AZU1: variants seen among roughly 807,000 people sequenced by gnomAD.
AZU1 encodes azurocidin.
In AZU1, 21 loss-of-function variants were observed where a neutral mutation model predicts 17.8. That is an observed-to-expected ratio of 1.18 (90% CI 0.84 to 1.70). The LOEUF is 1.70. AZU1 is among the 40% of genes most tolerant of loss of function. AZU1 has a pLI of 0.00. For synonymous variants in AZU1, 178 were observed against 155.2 expected (o/e 1.15, Z -1.09); for missense variants, 379 against 362.9 (o/e 1.04, Z -0.36).
intron 1 of AZU1, 71 bp downstream of exon 1, chr19:827,975 T>C (rs649411): frequency 0.49 from 746,941 of 1,522,402 alleles, 188,729 homozygotes; most frequent in African/African-American, 0.82. Flanking sequence ...AACTCAGACT[T>C]AAAGCACAGA....
Position 830,740 on chromosome 19 carries a change from G to T in AZU1, c.393G>T (p.Val131=). The change falls in exon 4 of 5, where the codon GTG becomes GTT. Residue 131 remains valine, a synonymous_variant. Transcript: ENST00000233997. Reference sequence around the variant, plus strand: ...GTGAGGCCAACCTCACCAGCAGCGTGACGATACTGCCACTGCCTCTGCAGA... The same window carrying T: ...GTGAGGCCAACCTCACCAGCAGCGTTACGATACTGCCACTGCCTCTGCAGA... The part of the protein sequence containing the change: ...LDREANLTSS[V]TILPLPLQNA... The T allele has an allele frequency of 6.3e-7, 1 of 1,592,484 alleles. No individual in the cohort carries two copies. The highest frequency in any genetic ancestry group is 8.5e-7 in the Non-Finnish European group (1 of 1,173,744).
chr19:829,873 G>T (rs577627350), intron 3 of AZU1, among the ~76,000 whole-genome samples, 167 bp downstream of exon 3: 2 of 152,238 alleles, frequency 1.3e-5, no homozygotes, highest in East Asian at 3.9e-4. Context: ...AGGACGGCTT[G>T]AGGTCAGGAG....
Position 828,240 on chromosome 19 carries a change from C to G in AZU1, c.69C>G (p.Pro23=). 2 of 1,606,178 alleles carry G rather than the reference C, an allele frequency of 1.2e-6. No individual in the cohort carries two copies. The highest frequency in any genetic ancestry group is 1.1e-5 in the South Asian group (1 of 90,244). ...LLASSRAGSS[P]LLDIVGGRKA... The stretch of plus-strand genomic sequence containing the variant: ...CTCCCCCCGACCCAGGCTCCAGCCC[C>G]CTTTTGGACATCGTTGGCGGCCGGA... The change falls in exon 2 of 5, where the codon CCC becomes CCG. Residue 23 remains proline (P), a synonymous_variant. Coordinates refer to ENST00000233997, the MANE Select transcript of AZU1 (RefSeq NM_001700.5).
Position 829,671 on chromosome 19 carries a change from C to T in AZU1, c.325C>T (p.Pro109Ser). ...ISSMSENGYD[P>S]QQNLNDLMLL... is the part of the protein sequence containing the mutation. ...CAGCATGAGCGAGAATGGCTACGAC[C>T]CCCAGCAGAACCTGAACGACCTGAT... Residue 109 changes from proline (P) to serine (S), a missense_variant, in exon 3 of 5, where the codon CCC becomes TCC. Coordinates refer to ENST00000233997, the MANE Select transcript of AZU1 (RefSeq NM_001700.5). 2 of 1,613,388 alleles carry T rather than the reference C, an allele frequency of 1.2e-6. No individual in the cohort carries two copies. Among genetic ancestry groups the T allele is most frequent in the Non-Finnish European group, 1.7e-6 (2 of 1,179,962 alleles).
intron 1 of AZU1, 100 bp from the exon 2 acceptor site, chr19:828,130 A>G: frequency 7.2e-7 from 1 of 1,398,482 alleles, no homozygotes; most frequent in African/African-American, 1.4e-5. Flanking sequence ...GTCCCCCCGC[A>G]GCCCCACTGG....
chr19:829,830 T>C (rs1732124699), intron 3 of AZU1, 124 bp downstream of exon 3: 4 of 1,329,892 alleles, frequency 3.0e-6, no homozygotes, highest in South Asian at 1.4e-5. Flanking sequence ...GGCGCGCACC[T>C]GTGGCCCCTG....
chr19:828,461 T>TG, intron 2 of AZU1, 75 bp downstream of exon 2: 1 of 837,510 alleles, frequency 1.2e-6, no homozygotes. Context: ...AGGCATTCAG[T>TG]GGGGGTGCTT....
chr19:828,221 C>G lies in AZU1; in HGVS notation c.59-9C>G, dbSNP rs757628322. ...TTGGGGATCTCAGAGCTGTCTCCCC[C>G]CGACCCAGGCTCCAGCCCCCTTTTG... is the stretch of plus-strand genomic sequence containing the variant. On this transcript the variant is annotated splice_polypyrimidine_tract_variant and intron_variant, in intron 1 of 4. Transcript: ENST00000233997. 5.0e-6 allele frequency: 8 copies of G among 1,593,084 alleles called. No homozygotes were observed. The highest frequency in any genetic ancestry group is 1.4e-5 in the African/African-American group (1 of 73,894).
chr19:828,192 A>G (rs1325771455), intron 1 of AZU1, 38 bp from the exon 2 acceptor site: 2 of 1,557,150 alleles, frequency 1.3e-6, no homozygotes, highest in South Asian at 2.4e-5. Context: ...CACTGTGTGG[A>G]TTCTTGGGGA....
chr19:831,088 T>G, intron 4 of AZU1, 147 bp downstream of exon 4: 2 of 736,406 alleles, frequency 2.7e-6, no homozygotes, highest in Non-Finnish European at 4.3e-6. Flanking sequence ...ATCTTTTTTT[T>G]TTTTTTTGAG....
Position 831,959 on chromosome 19 carries a change from CT to C in AZU1, c.*83del, listed in dbSNP as rs2035294999. Reference sequence around the variant, plus strand: ...GCACCCACCTCCCACGGCCCCGCCCCTGCCCCCGCTCCGGCCAGAGGGGCCC... The same window carrying C: ...GCACCCACCTCCCACGGCCCCGCCCCGCCCCCGCTCCGGCCAGAGGGGCCC... On this transcript the variant is annotated 3_prime_UTR_variant, in exon 5 of 5. Coordinates refer to ENST00000233997, the MANE Select transcript of AZU1 (RefSeq NM_001700.5). 1 of 1,472,380 alleles carries C rather than the reference CT, an allele frequency of 6.8e-7. No homozygotes were observed. Among genetic ancestry groups the C allele is most frequent in the Admixed American group, 2.0e-5 (1 of 49,112 alleles). The allele number at this position is 1,472,380 out of a possible 1,614,324, so 91.2% of individuals were successfully genotyped here.
rs2035278974 is a variant in AZU1, at chr19:830,825, G to A, written c.478G>A (p.Gly160Arg). ...QVAGWGSQRS[G>R]GRLSRFPRFV... is the part of the protein sequence containing the mutation. Reference sequence around the variant, plus strand: ...GGCCGGCTGGGGGAGCCAGCGCAGTGGGGGGCGTCTCTCCCGTTTTCCCAG... The same window carrying A: ...GGCCGGCTGGGGGAGCCAGCGCAGTAGGGGGCGTCTCTCCCGTTTTCCCAG... Residue 160 changes from glycine (G) to arginine (R), a missense_variant, in exon 4 of 5, where the codon GGG becomes AGG. Transcript: ENST00000233997. The A allele has an allele frequency of 6.2e-7, 1 of 1,607,562 alleles. No individual in the cohort carries two copies. Among genetic ancestry groups the A allele is most frequent in the African/African-American group, 1.3e-5 (1 of 74,928 alleles).
chr19:828,088 C>G, intron 1 of AZU1, 142 bp from the exon 2 acceptor site: 1 of 1,332,752 alleles, frequency 7.5e-7, no homozygotes, highest in Non-Finnish European at 1.0e-6. Context: ...GCCCCCTGTC[C>G]TCTTAGGGAG....
At chr19:830,251 C>T (rs1016794594) in intron 3 of AZU1, among the ~76,000 whole-genome samples, 4 of 152,058 alleles carry the variant, frequency 2.6e-5, no homozygotes, top group African/African-American at 7.2e-5. Flanking sequence ...CAGAGCCAGA[C>T]CCTATCTCAA....
rs531710662 is a variant in AZU1, at chr19:828,422, G to A, written c.215+36G>A. 176 of 1,497,766 alleles carry A rather than the reference G, an allele frequency of 1.2e-4. 5 individuals are homozygous for A. The South Asian group carries it at 2.3e-3, about 20-fold the overall frequency. The allele number at this position is 1,497,766 out of a possible 1,614,324, so 92.8% of individuals were successfully genotyped here. On this transcript the variant is annotated intron_variant, in intron 2 of 4. Coordinates refer to ENST00000233997, the MANE Select transcript of AZU1 (RefSeq NM_001700.5). Reference sequence around the variant, plus strand: ...CTGGGGAGGGGGCCTAGGGGGCATTGGGGCTCAGAGAAGGGGCTTGGGGGG... The same window carrying A: ...CTGGGGAGGGGGCCTAGGGGGCATTAGGGCTCAGAGAAGGGGCTTGGGGGG...
rs781271870 is a variant in AZU1, at chr19:830,838, C to T, written c.491C>T (p.Ser164Phe). ...WGSQRSGGRL[S>F]RFPRFVNVTV... ...AGCCAGCGCAGTGGGGGGCGTCTCT[C>T]CCGTTTTCCCAGGTTTGTCAACGTG... The change falls in exon 4 of 5, where the codon TCC becomes TTC. Residue 164 changes from serine (S) to phenylalanine (F), a missense_variant. Ser to Phe is a radical substitution (Grantham distance 155, BLOSUM62 -2). Transcript: ENST00000233997. The T allele has an allele frequency of 1.2e-6, 2 of 1,608,366 alleles. No individual in the cohort carries two copies. The highest frequency in any genetic ancestry group is 1.1e-5 in the South Asian group (1 of 91,084).
intron 2 of AZU1, 69 bp downstream of exon 2, chr19:828,455 A>G (rs1366729281): frequency 9.7e-6 from 12 of 1,237,262 alleles, no homozygotes; most frequent in Non-Finnish European, 1.2e-5. Flanking sequence ...GGGCTTAGGC[A>G]TTCAGTGGGG....
intron 3 of AZU1, among the ~76,000 whole-genome samples, chr19:830,218 C>T (rs1214573722): frequency 6.6e-6 from 1 of 152,066 alleles, no homozygotes; most frequent in East Asian, 1.9e-4. Flanking sequence ...CGAGATCGCG[C>T]CCCTGCACTC....
intron 4 of AZU1, 108 bp downstream of exon 4, chr19:831,049 T>A (rs1463919095): frequency 9.8e-7 from 1 of 1,019,312 alleles, no homozygotes; most frequent in Non-Finnish European, 1.4e-6. Flanking sequence ...GGCCCCAGGA[T>A]TGAGCATTTT....
Sources: gnomAD v4.1 joint callset for allele counts (sites outside exome capture counted in the v4.1 genomes callset) on GRCh38, gnomAD v4.1.1 for gene constraint, MANE v1.5 for transcripts, NCBI Gene and HGNC (gene_info 2026-07-23, HGNC 2026-07-21) for gene names.